Variants in GDA observed in about 807,000 individuals in gnomAD.
GDA encodes the protein cytoplasmic PSD-95 interactor.
A neutral mutation model predicts 59.6 loss-of-function variants in GDA; 18 were observed. The observed-to-expected ratio is 0.30, with a 90% confidence interval of 0.21 to 0.45. GDA has a LOEUF of 0.45. Ranked by LOEUF, GDA falls within the 20% of genes least tolerant of loss-of-function variation. GDA has a pLI of 1.00. For synonymous variants in GDA, 201 were observed against 201.1 expected (o/e 1.00, Z 0.00); for missense variants, 427 against 552.3 (o/e 0.77, Z 2.27).
intron 10 of GDA, among the ~76,000 whole-genome samples, chr9:72,233,323 A>T (rs1838577602): frequency 6.6e-6 from 1 of 152,236 alleles, no homozygotes; most frequent in South Asian, 2.1e-4. Flanking sequence ...AAACAATAAG[A>T]ATGTGAACAA....
intron 10 of GDA, among the ~76,000 whole-genome samples, chr9:72,238,494 G>A (rs1418415046): frequency 6.6e-6 from 1 of 152,192 alleles, no homozygotes; most frequent in Non-Finnish European, 1.5e-5. Context: ...GAAGCCCATA[G>A]GTTTTATTTA....
downstream of GDA, among the ~76,000 whole-genome samples, chr9:72,255,755 T>G (rs1840869328): frequency 6.6e-6 from 1 of 152,044 alleles, no homozygotes; most frequent in Non-Finnish European, 1.5e-5. Flanking sequence ...CTCAGAAACG[T>G]GGGGGTAAAA....
rs1840654589 is a variant in GDA, at chr9:72,251,303, A to G, written c.*2961A>G. The stretch of plus-strand genomic sequence containing the variant: ...AGGAAATATAACCGGTGTGAGATCT[A>G]GCAATGCATTTTGAATCTTCACTCC... On this transcript the variant is annotated 3_prime_UTR_variant, in exon 14 of 14. Transcript: ENST00000358399. 1 of 158,528 alleles carries G rather than the reference A, an allele frequency of 6.3e-6. No individual in the cohort carries two copies. Among genetic ancestry groups the G allele is most frequent in the South Asian group, 1.9e-4 (1 of 5,258 alleles). The allele number at this position is 158,528 out of a possible 1,614,324, so 9.8% of individuals were successfully genotyped here. A position where few individuals can be genotyped will look rare whatever the true frequency, so the allele number is the denominator to read the frequency against.
In GDA at chr9:72,192,204, CTG is replaced by C. The variant is rs1353136631; in HGVS notation, c.124-3292_124-3291del. ...TTCTTTTTATTTTTGTCTCCTCTGA[CTG>C]TGTATTTTCAAATAGCCTTTTTTTT... On this transcript the variant is annotated intron_variant, in intron 1 of 13. Transcript: ENST00000358399. 2.8e-5 allele frequency among the ~76,000 whole-genome samples: 3 copies of C among 108,248 alleles called. No homozygotes were observed. In the East Asian group the frequency reaches 7.4e-4, roughly 27 times the overall value. 71.0% of individuals were successfully genotyped at this position (108,248 alleles called of 152,430 possible). A position where few individuals can be genotyped will look rare whatever the true frequency, so the allele number is the denominator to read the frequency against.
intron 4 of GDA, among the ~76,000 whole-genome samples, chr9:72,211,230 C>A (rs1018183942): frequency 6.6e-6 from 1 of 152,202 alleles, no homozygotes; most frequent in African/African-American, 2.4e-5. Context: ...AGAAGCCAGA[C>A]AGAATACCTA....
chr9:72,253,427 T>C (rs1183313559), downstream of GDA: 1 of 152,148 alleles, frequency 6.6e-6, no homozygotes, highest in Non-Finnish European at 1.5e-5. Flanking sequence ...CTCAGCTACA[T>C]GCAGACTAGA....
At chr9:72,198,279 C>T (rs994442130) in intron 2 of GDA, among the ~76,000 whole-genome samples, 5 of 149,238 alleles carry the variant, frequency 3.4e-5, no homozygotes, top group African/African-American at 1.2e-4. Context: ...GTGGCTCACA[C>T]CTGTAATCCC....
At chr9:72,231,543 T>C (rs1043342674) in intron 10 of GDA, among the ~76,000 whole-genome samples, 1 of 149,960 alleles carries the variant, frequency 6.7e-6, no homozygotes, top group Non-Finnish European at 1.5e-5. Flanking sequence ...TCAGCGTGGG[T>C]GACAGAGCGA....
chr9:72,180,422 C>T (rs1831045632), intron 1 of GDA, among the ~76,000 whole-genome samples: 1 of 151,976 alleles, frequency 6.6e-6, no homozygotes, highest in Non-Finnish European at 1.5e-5. Flanking sequence ...TTGTGTGTGC[C>T]TGCATTTTTA....
At position 72,124,900 on chromosome 9, in the gene GDA, G is replaced by A. The variant is rs551633376; in HGVS notation, c.-100+10067G>A. On this transcript the variant is annotated intron_variant, in intron 1 of 13. Transcript: ENST00000545168. ...TGAGATTACAGGCTTGAGCCATCGC[G>A]CCTGGCCCTGGTGATCAGTCTTATT... 1.6e-4 allele frequency among the ~76,000 whole-genome samples: 24 copies of A among 152,222 alleles called. No individual in the cohort carries two copies. In the East Asian group the frequency reaches 3.9e-3, roughly 24 times the overall value.
At chr9:72,119,739 A>G (rs1037589925) in intron 1 of GDA, among the ~76,000 whole-genome samples, 3 of 152,172 alleles carry the variant, frequency 2.0e-5, no homozygotes, top group African/African-American at 7.2e-5. Flanking sequence ...ATTACTCCTA[A>G]TCAAATGTCA....
chr9:72,229,329 C>T (rs1464628115), intron 9 of GDA, among the ~76,000 whole-genome samples: 1 of 151,742 alleles, frequency 6.6e-6, no homozygotes, highest in African/African-American at 2.4e-5. Context: ...CCAACCTGGG[C>T]GACAGAGCAA....
chr9:72,176,271 A>G (rs1003444360), intron 1 of GDA, among the ~76,000 whole-genome samples: 1 of 152,204 alleles, frequency 6.6e-6, no homozygotes, highest in Non-Finnish European at 1.5e-5. Context: ...CCCTATGACT[A>G]GAAAGCTCCC....
chr9:72,192,652 C>A (rs1832699224), intron 1 of GDA, among the ~76,000 whole-genome samples: 1 of 151,330 alleles, frequency 6.6e-6, no homozygotes, highest in African/African-American at 2.4e-5. Context: ...GAAGCCAAGG[C>A]AGGCAGATCA....
At chr9:72,232,171 G>T (rs935078311) in intron 10 of GDA, among the ~76,000 whole-genome samples, 3 of 152,140 alleles carry the variant, frequency 2.0e-5, no homozygotes, top group Non-Finnish European at 4.4e-5. Context: ...ATGGGTATGG[G>T]GCAGGAGGAC....
At chr9:72,183,733 A>G (rs886166319) in intron 1 of GDA, among the ~76,000 whole-genome samples, 3 of 152,190 alleles carry the variant, frequency 2.0e-5, no homozygotes, top group African/African-American at 4.8e-5. Flanking sequence ...GGTTTAAACA[A>G]GTTAACACAT....
At chr9:72,160,022 G>T (rs563571621) in intron 1 of GDA, among the ~76,000 whole-genome samples, 6 of 152,032 alleles carry the variant, frequency 3.9e-5, no homozygotes, top group African/African-American at 1.4e-4. Context: ...TTCATCAGCC[G>T]GGCGCGGTGG....
chr9:72,127,883 A>C (rs1182469193), intron 1 of GDA, among the ~76,000 whole-genome samples: 1 of 152,200 alleles, frequency 6.6e-6, no homozygotes, highest in Non-Finnish European at 1.5e-5. Flanking sequence ...AAAAGAGATT[A>C]GATTGTTTTC....
chr9:72,182,522 C>T (rs1260844037), intron 1 of GDA, among the ~76,000 whole-genome samples: 1 of 152,210 alleles, frequency 6.6e-6, no homozygotes, highest in Non-Finnish European at 1.5e-5. Context: ...TCAGGAGGCA[C>T]AGGATGTGGA....
Sources: gnomAD v4.1 joint callset for allele counts (sites outside exome capture counted in the v4.1 genomes callset) on GRCh38, gnomAD v4.1.1 for gene constraint, MANE v1.5 for transcripts, NCBI Gene and HGNC (gene_info 2026-07-23, HGNC 2026-07-21) for gene names.